Variants in XG observed in about 807,000 individuals in gnomAD.
XG encodes the protein Xg glycoprotein (Xg blood group), also known as glycoprotein Xg.
In XG, 24 loss-of-function variants were observed where a neutral mutation model predicts 25.7. That is an observed-to-expected ratio of 0.93 (90% confidence interval 0.68 to 1.31). The LOEUF (loss-of-function observed/expected upper bound fraction) is 1.31. XG is among the 40% of genes most tolerant of loss of function. The pLI is 0.00. For synonymous variants in XG, 77 were observed against 69.2 expected (o/e 1.11, Z -0.56); for missense variants, 181 against 187.6 (o/e 0.96, Z 0.21).
intron 1 of XG, among the ~76,000 whole-genome samples, chrX:2,759,020 GTATCTATCTATGTATC>G (rs2050500011): frequency 3.9e-5 from 3 of 76,492 alleles, no homozygotes; most frequent in African/African-American, 9.7e-5. Context: ...ATGTATCTAT[GTATCTATCTATGTATC>G]TATCTATCCA....
intron 3 of XG, among the ~76,000 whole-genome samples, chrX:2,777,637 GAAGTT>G (rs1290229608): frequency 2.0e-5 from 3 of 152,028 alleles, no homozygotes; most frequent in African/African-American, 7.2e-5. Context: ...ATACTAAATG[GAAGTT>G]AAGAAGGAAG....
At position 2,752,063 on chromosome X, in the gene XG, G is replaced by A. The variant is rs2050340791; in HGVS notation, c.-212G>A. The A allele has an allele frequency of 7.2e-6, 5 of 689,942 alleles. No homozygotes were observed. In the South Asian group the frequency reaches 1.1e-4, roughly 15 times the overall value. 42.7% of individuals were successfully genotyped at this position (689,942 alleles called of 1,614,324 possible). Reference sequence around the variant, plus strand: ...ACACACGACTGAGTGTGCCTACACTGGTCCCACAGGTTTTCAGCTGTGGAG... The same window carrying A: ...ACACACGACTGAGTGTGCCTACACTAGTCCCACAGGTTTTCAGCTGTGGAG... On this transcript the variant is annotated 5_prime_UTR_variant, in exon 1 of 11. Coordinates refer to ENST00000644266, the MANE Select transcript of XG (RefSeq NM_001141919.2).
chrX:2,796,791 C>T (rs1397704154), intron 6 of XG, among the ~76,000 whole-genome samples: 1 of 111,929 alleles, frequency 8.9e-6, no homozygotes, highest in Non-Finnish European at 1.9e-5. Context: ...CTGCATCTTT[C>T]GGACAACCAG....
intron 4 of XG, among the ~76,000 whole-genome samples, chrX:2,783,800 C>A (rs1314752957): frequency 8.9e-6 from 1 of 112,418 alleles, no homozygotes; most frequent in African/African-American, 3.2e-5. Flanking sequence ...CATGGCGAAA[C>A]CCTGTCTCTA....
chrX:2,786,759 G>A lies in XG; in HGVS notation c.191-2885G>A, dbSNP rs182764917. ...AAAATGAGGTCACTAGGGTGGGTCC[G>A]GATCCAATAGGACTAGTATCCTAAT... On this transcript the variant is annotated intron_variant, in intron 4 of 10. Coordinates refer to ENST00000644266, the MANE Select transcript of XG (RefSeq NM_001141919.2). Among the ~76,000 whole-genome samples the A allele has an allele frequency of 1.9e-4, 21 of 111,008 alleles. No homozygotes were observed. In the East Asian group the frequency reaches 5.6e-3, roughly 30 times the overall value.
chrX:2,769,506 G>A (rs1273942859), intron 1 of XG, among the ~76,000 whole-genome samples: 3 of 152,210 alleles, frequency 2.0e-5, no homozygotes, highest in Non-Finnish European at 4.4e-5. Flanking sequence ...TACTGCAACA[G>A]AACTCAATGC....
chrX:2,792,331 C>T (rs144486436), intron 5 of XG, among the ~76,000 whole-genome samples: 1,329 of 109,742 alleles, frequency 0.012, 23 homozygotes, highest in African/African-American at 0.041. Context: ...AGGAAACATC[C>T]CTTTTTTATT....
intron 10 of XG, among the ~76,000 whole-genome samples, chrX:2,812,446 C>T (rs1345430745): frequency 9.0e-6 from 1 of 111,277 alleles, no homozygotes; most frequent in Non-Finnish European, 1.9e-5. Context: ...AGGCCACCCA[C>T]GTCAGAATCT....
At chrX:2,756,955 G>T (rs1373299957) in intron 1 of XG, among the ~76,000 whole-genome samples, 4 of 152,206 alleles carry the variant, frequency 2.6e-5, no homozygotes, top group Non-Finnish European at 5.9e-5. Flanking sequence ...GCTCAGTGCC[G>T]TCTTGGTACC....
intron 3 of XG, among the ~76,000 whole-genome samples, chrX:2,776,168 C>G (rs1473113790): frequency 6.6e-6 from 1 of 151,884 alleles, no homozygotes; most frequent in Non-Finnish European, 1.5e-5. Flanking sequence ...CCTTTATAAG[C>G]CAGCGACCGA....
At chrX:2,811,310 A>T in intron 9 of XG, 26 bp from the exon 10 acceptor site, 1 of 1,139,422 alleles carries the variant, frequency 8.8e-7, no homozygotes, top group Non-Finnish European at 1.2e-6. Flanking sequence ...TTCTCGGATG[A>T]GCTTGCTTTT....
intron 1 of XG, among the ~76,000 whole-genome samples, chrX:2,754,161 C>G (rs1468238805): frequency 6.6e-6 from 1 of 151,994 alleles, no homozygotes; most frequent in African/African-American, 2.4e-5. Flanking sequence ...TGCGGTGGTT[C>G]CATCATAGCT....
intron 10 of XG, 100 bp from the exon 11 acceptor site, chrX:2,814,264 T>C: frequency 9.8e-7 from 1 of 1,017,851 alleles, no homozygotes; most frequent in Non-Finnish European, 1.3e-6. Flanking sequence ...AAGAGTCTCT[T>C]GTAACAGCAT....
chrX:2,808,310 C>G (rs2087023725), intron 9 of XG, 90 bp downstream of exon 9: 5 of 1,080,691 alleles, frequency 4.6e-6, no homozygotes, highest in Non-Finnish European at 2.6e-6. Context: ...CTTCTGTTTC[C>G]CAACCTCATG....
intron 8 of XG, among the ~76,000 whole-genome samples, chrX:2,807,705 A>G (rs920108034): frequency 8.9e-6 from 1 of 112,100 alleles, no homozygotes; most frequent in Non-Finnish European, 1.9e-5. Flanking sequence ...CATGTTGCAC[A>G]TGTGTGTAAA....
chrX:2,773,481 G>GGGAA (rs201385717), intron 2 of XG, among the ~76,000 whole-genome samples: 3 of 135,912 alleles, frequency 2.2e-5, no homozygotes, highest in African/African-American at 5.9e-5. Flanking sequence ...AAAGGAGAGA[G>GGGAA]GGAAGGAAGG....
intron 7 of XG, among the ~76,000 whole-genome samples, chrX:2,801,181 A>G (rs1429660222): frequency 1.2e-5 from 1 of 83,642 alleles, no homozygotes; most frequent in Non-Finnish European, 2.7e-5. Context: ...GAACGGGAGC[A>G]TGTGAAGCAG....
intron 1 of XG, among the ~76,000 whole-genome samples, chrX:2,759,203 G>A (rs1309103093): frequency 2.6e-5 from 4 of 152,178 alleles, no homozygotes; most frequent in Non-Finnish European, 4.4e-5. Flanking sequence ...CATTCGGTGG[G>A]TGGAGACAAG....
intron 4 of XG, among the ~76,000 whole-genome samples, chrX:2,785,222 G>T (rs1480909808): frequency 9.0e-6 from 1 of 111,563 alleles, no homozygotes; most frequent in Admixed American, 9.6e-5. Flanking sequence ...TAGTACTTAT[G>T]CCTCAGTCTG....
Sources: allele counts gnomAD v4.1 joint callset (sites outside exome capture counted in the v4.1 genomes callset), GRCh38; gene constraint gnomAD v4.1.1; transcripts MANE v1.5; gene names NCBI Gene and HGNC (gene_info 2026-07-23, HGNC 2026-07-21).